Variants in ZC3H8 observed in about 807,000 individuals in gnomAD.
The protein encoded by ZC3H8 is zinc finger CCCH-type containing 8, also known as zinc finger CCCH domain-containing protein 8.
ZC3H8 carries 27 observed loss-of-function variants against 42.5 expected under a neutral mutation model. The observed-to-expected ratio is 0.64, with a 90% CI of 0.47 to 0.88. The LOEUF (loss-of-function observed/expected upper bound fraction) is 0.88. ZC3H8 is among the 40% of genes least tolerant of loss of function. ZC3H8 has a pLI of 0.00. For synonymous variants in ZC3H8, 101 were observed against 110.1 expected, an observed-to-expected ratio of 0.92 and a Z score of 0.52; for missense variants, 277 against 336.1, an observed-to-expected ratio of 0.82 and a Z score of 1.37.
At chr2:112,253,670 T>G (rs1686031871) in intron 1 of ZC3H8, among the ~76,000 whole-genome samples, 1 of 152,238 alleles carries the variant, frequency 6.6e-6, no homozygotes, top group African/African-American at 2.4e-5. Flanking sequence ...CAAGTGTCTT[T>G]TATGTATTGC....
At position 112,230,904 on chromosome 2, in the gene ZC3H8, T is replaced by C. The variant is rs1420165365; in HGVS notation, c.*14A>G. ...AAATGTGGTAAATTCTAATTTTACC[T>C]TTTTATGTCTATTTTATTTACATGA... On this transcript the variant is annotated splice_region_variant and 3_prime_UTR_variant, in exon 8 of 9. Coordinates refer to ENST00000409573, the MANE Select transcript of ZC3H8 (RefSeq NM_032494.3). 8 of 1,292,534 alleles carry C rather than the reference T, an allele frequency of 6.2e-6. No individual in the cohort carries two copies. The highest frequency in any genetic ancestry group is 8.1e-6 in the Non-Finnish European group (8 of 988,750). The allele number at this position is 1,292,534 out of a possible 1,614,324, so 80.1% of individuals were successfully genotyped here.
intron 1 of ZC3H8, 108 bp downstream of exon 1, chr2:112,254,800 C>G: frequency 1.5e-6 from 2 of 1,349,040 alleles, no homozygotes; most frequent in South Asian, 1.3e-5. Flanking sequence ...CACGGGCCCT[C>G]GCGACGCGGC....
rs1434108344 is a variant in ZC3H8, at chr2:112,234,119, C to T, written c.621+1G>A. ...AGATTTTTGCTTACACATTTTTATA[C>T]CTTAATACATTTCCTTTCAAGAAAA... On this transcript the variant is annotated splice_donor_variant, in intron 5 of 8. Transcript: ENST00000409573. LOFTEE classifies it high-confidence loss of function. 2 of 1,537,114 alleles carry T rather than the reference C, an allele frequency of 1.3e-6. No homozygotes were observed. Among genetic ancestry groups the T allele is most frequent in the Non-Finnish European group, 1.8e-6 (2 of 1,129,472 alleles).
chr2:112,235,626 T>G (rs566651301), intron 4 of ZC3H8, among the ~76,000 whole-genome samples: 1 of 152,098 alleles, frequency 6.6e-6, no homozygotes, highest in East Asian at 1.9e-4. Context: ...ATAAAAAAAG[T>G]TGCCATCCAG....
At chr2:112,232,025 T>A in intron 6 of ZC3H8, 78 bp from the exon 7 acceptor site, 2 of 850,686 alleles carry the variant, frequency 2.4e-6, no homozygotes, top group Non-Finnish European at 1.7e-6. Context: ...TTATTTTTCC[T>A]AAATAAAGAC....
intron 4 of ZC3H8, among the ~76,000 whole-genome samples, chr2:112,235,764 G>GA (rs1212736203): frequency 6.6e-6 from 1 of 152,034 alleles, no homozygotes; most frequent in Non-Finnish European, 1.5e-5. Context: ...GGAGTGGGGA[G>GA]ATTCAGTAAG....
At chr2:112,228,713 G>T (rs1290504434) in intron 8 of ZC3H8, among the ~76,000 whole-genome samples, 2 of 152,064 alleles carry the variant, frequency 1.3e-5, no homozygotes, top group African/African-American at 4.8e-5. Context: ...CGGAAAGCAT[G>T]ATCCATAGAA....
chr2:112,245,481 C>A (rs1013207173), intron 2 of ZC3H8, among the ~76,000 whole-genome samples: 7 of 152,194 alleles, frequency 4.6e-5, no homozygotes, highest in Non-Finnish European at 1.0e-4. Context: ...TAGTGAAACC[C>A]CGTCTCTACT....
At chr2:112,229,200 T>C (rs756871962) in intron 8 of ZC3H8, among the ~76,000 whole-genome samples, 8 of 152,074 alleles carry the variant, frequency 5.3e-5, no homozygotes, top group Non-Finnish European at 7.4e-5. Flanking sequence ...GAAAGAGCAG[T>C]CTTTTTAATT....
chr2:112,225,057 T>C (rs1443966026), intron 8 of ZC3H8, among the ~76,000 whole-genome samples: 2 of 152,242 alleles, frequency 1.3e-5, no homozygotes, highest in Non-Finnish European at 2.9e-5. Flanking sequence ...AATGAAATTG[T>C]TTAAACTTCA....
intron 8 of ZC3H8, among the ~76,000 whole-genome samples, chr2:112,224,784 G>T (rs191238501): frequency 1.3e-5 from 2 of 152,296 alleles, no homozygotes; most frequent in African/African-American, 2.4e-5. Flanking sequence ...GATACTTACT[G>T]AAAGAATACC....
Position 112,232,366 on chromosome 2 carries a change from CTATT to C in ZC3H8, c.734-423_734-420del, listed in dbSNP as rs1558924370. On this transcript the variant is annotated intron_variant, in intron 6 of 8. Coordinates refer to ENST00000409573, the MANE Select transcript of ZC3H8 (RefSeq NM_032494.3). Reference sequence around the variant, plus strand: ...TCCTACTAGCAGAAACTGGATTTCTCTATTTAAAGTATGAGATAATAAACTAACT... The same window carrying C: ...TCCTACTAGCAGAAACTGGATTTCTCTAAAGTATGAGATAATAAACTAACT... Among the ~76,000 whole-genome samples, 4 of 149,436 alleles carry C rather than the reference CTATT, an allele frequency of 2.7e-5. No individual in the cohort carries two copies. In the South Asian group the frequency reaches 6.5e-4, roughly 24 times the overall value.
chr2:112,217,910 G>C (rs1202012428), intron 8 of ZC3H8, among the ~76,000 whole-genome samples: 1 of 152,002 alleles, frequency 6.6e-6, no homozygotes, highest in Non-Finnish European at 1.5e-5. Flanking sequence ...TTGTATGTGT[G>C]TCTGGTTTCT....
At chr2:112,231,815 A>G (rs1204728801) in intron 7 of ZC3H8, 23 bp downstream of exon 7, 2 of 1,443,504 alleles carry the variant, frequency 1.4e-6, no homozygotes, top group Admixed American at 4.1e-5. Flanking sequence ...AAAAAACAAA[A>G]GATTATTAAA....
At chr2:112,224,973 C>T (rs866156298) in intron 8 of ZC3H8, among the ~76,000 whole-genome samples, 5 of 152,086 alleles carry the variant, frequency 3.3e-5, no homozygotes, top group Middle Eastern at 3.2e-3. Flanking sequence ...CAGTGTCTCT[C>T]GGTTTTGTAA....
intron 2 of ZC3H8, among the ~76,000 whole-genome samples, chr2:112,247,878 G>C (rs1685812467): frequency 6.6e-6 from 1 of 152,202 alleles, no homozygotes; most frequent in Non-Finnish European, 1.5e-5. Context: ...GTGGGAAGTT[G>C]AAGTTGCAAT....
intron 8 of ZC3H8, among the ~76,000 whole-genome samples, chr2:112,227,458 G>A (rs576280569): frequency 4.2e-4 from 64 of 152,334 alleles, no homozygotes; most frequent in African/African-American, 1.3e-3. Flanking sequence ...CCGCAAGGCC[G>A]CGGTTGCAGT....
At position 112,211,735 on chromosome 2, in the gene ZC3H8, C is replaced by T. The variant is rs1330136146; in HGVS notation, c.*4749G>A. On this transcript the variant is annotated 3_prime_UTR_variant, in exon 9 of 9. Coordinates refer to ENST00000409573, the MANE Select transcript of ZC3H8 (RefSeq NM_032494.3). ...ATAATGTGTAGCTCAGAGTAACATA[C>T]AATAACTAAAAACATGTCTTTTTTT... 6.8e-6 allele frequency: 1 copy of T among 147,940 alleles called. No individual in the cohort carries two copies. Among genetic ancestry groups the T allele is most frequent in the Non-Finnish European group, 1.5e-5 (1 of 65,672 alleles). 9.2% of individuals were successfully genotyped at this position (147,940 alleles called of 1,614,324 possible).
chr2:112,220,608 G>A (rs934777159), intron 8 of ZC3H8, among the ~76,000 whole-genome samples: 5 of 152,126 alleles, frequency 3.3e-5, no homozygotes, highest in Non-Finnish European at 5.9e-5. Context: ...GATCACCTGA[G>A]CTCGGGAGTT....
Sources: gnomAD v4.1 joint callset for allele counts (sites outside exome capture counted in the v4.1 genomes callset) on GRCh38, gnomAD v4.1.1 for gene constraint, MANE v1.5 for transcripts, NCBI Gene and HGNC (gene_info 2026-07-23, HGNC 2026-07-21) for gene names.